Variants in FSTL4 observed in about 807,000 individuals in gnomAD.
The protein encoded by FSTL4 is follistatin like 4, also known as follistatin-related protein 4.
FSTL4 carries 28 observed loss-of-function variants against 78.2 expected under a neutral mutation model. That is an observed-to-expected ratio of 0.36 (90% CI 0.27 to 0.49). The LOEUF is 0.49. FSTL4 is among the 20% of genes least tolerant of loss of function. FSTL4 has a pLI of 0.98. For synonymous variants in FSTL4, 422 were observed against 440.5 expected (o/e 0.96, Z 0.53); for missense variants, 922 against 1,084.9 (o/e 0.85, Z 2.11).
At chr5:133,742,405 A>G in the FSTL4 span, among the ~76,000 whole-genome samples, 1 of 152,234 alleles carries the variant, frequency 6.6e-6, no homozygotes, top group African/African-American at 2.4e-5. Context: ...AAAAAAATCA[A>G]TGTCCTTCAA....
At chr5:133,470,736 ACT>A (rs1371846907) in intron 3 of FSTL4, among the ~76,000 whole-genome samples, 1 of 140,840 alleles carries the variant, frequency 7.1e-6, no homozygotes, top group African/African-American at 2.7e-5. Flanking sequence ...CAAGAGTGAA[ACT>A]CTGCCTCAAA....
At chr5:133,394,201 G>A (rs1333315915) in intron 4 of FSTL4, among the ~76,000 whole-genome samples, 1 of 152,256 alleles carries the variant, frequency 6.6e-6, no homozygotes, top group East Asian at 1.9e-4. Context: ...CAGCATGCTG[G>A]TAGCCCTTGC....
the FSTL4 span, among the ~76,000 whole-genome samples, chr5:133,725,850 A>C: frequency 6.6e-6 from 1 of 152,172 alleles, no homozygotes; most frequent in Non-Finnish European, 1.5e-5. Flanking sequence ...CCACTTGTTG[A>C]AACTAGGGAC....
chr5:133,555,568 G>A (rs866972986), intron 3 of FSTL4, among the ~76,000 whole-genome samples: 2 of 152,136 alleles, frequency 1.3e-5, no homozygotes, highest in South Asian at 2.1e-4. Flanking sequence ...AAGGCACACC[G>A]GTTACACTAT....
intron 3 of FSTL4, among the ~76,000 whole-genome samples, chr5:133,550,985 A>T (rs1267798967): frequency 2.0e-5 from 3 of 152,070 alleles, no homozygotes; most frequent in African/African-American, 4.8e-5. Context: ...AGCTGGAAAG[A>T]CTCATCTTGC....
intron 6 of FSTL4, among the ~76,000 whole-genome samples, chr5:133,278,769 C>G (rs1308197818): frequency 2.0e-5 from 3 of 152,242 alleles, no homozygotes; most frequent in Non-Finnish European, 4.4e-5. Context: ...AAAACGCCAG[C>G]CGCTTCCTCA....
intron 3 of FSTL4, among the ~76,000 whole-genome samples, chr5:133,466,459 G>A (rs919751502): frequency 4.6e-5 from 7 of 152,088 alleles, no homozygotes; most frequent in East Asian, 3.9e-4. Context: ...GGAGAATGGC[G>A]TGAACCCAGG....
At chr5:133,273,874 G>C (rs763869642) in intron 6 of FSTL4, among the ~76,000 whole-genome samples, 1 of 152,132 alleles carries the variant, frequency 6.6e-6, no homozygotes, top group Non-Finnish European at 1.5e-5. Flanking sequence ...GGGCATGCAG[G>C]AGGTGCTGAC....
chr5:133,744,967 G>A, the FSTL4 span, among the ~76,000 whole-genome samples: 1 of 152,206 alleles, frequency 6.6e-6, no homozygotes, highest in African/African-American at 2.4e-5. Context: ...GGACAGGCTG[G>A]GAGTTGGAGG....
chr5:133,198,884 C>T lies in FSTL4; in HGVS notation c.*211G>A, dbSNP rs1750223050. Reference sequence around the variant, plus strand: ...AGCAGCATATGTTCTCATCGTAGCTCAAGGCATAAATCATACTTCCTAACG... The same window carrying T: ...AGCAGCATATGTTCTCATCGTAGCTTAAGGCATAAATCATACTTCCTAACG... On this transcript the variant is annotated 3_prime_UTR_variant, in exon 16 of 16. Transcript: ENST00000265342. The T allele has an allele frequency of 2.1e-6, 1 of 465,978 alleles. No individual in the cohort carries two copies. Among genetic ancestry groups the T allele is most frequent in the South Asian group, 6.4e-5 (1 of 15,702 alleles). 28.9% of individuals were successfully genotyped at this position (465,978 alleles called of 1,614,324 possible). A position where few individuals can be genotyped will look rare whatever the true frequency, so the allele number is the denominator to read the frequency against.
At chr5:133,826,882 T>C in the FSTL4 span, among the ~76,000 whole-genome samples, 1 of 152,314 alleles carries the variant, frequency 6.6e-6, no homozygotes, top group African/African-American at 2.4e-5. Flanking sequence ...ATAACTAAAA[T>C]TCTGTCTTTT....
the FSTL4 span, among the ~76,000 whole-genome samples, chr5:133,640,693 A>T: frequency 6.6e-6 from 1 of 152,176 alleles, no homozygotes; most frequent in African/African-American, 2.4e-5. Context: ...TGAAAATAAG[A>T]ATGGGATAAC....
At chr5:133,470,389 G>A (rs1757795607) in intron 3 of FSTL4, among the ~76,000 whole-genome samples, 2 of 152,168 alleles carry the variant, frequency 1.3e-5, no homozygotes, top group African/African-American at 2.4e-5. Flanking sequence ...ATCCTCAGTC[G>A]GTTTCAACAA....
the FSTL4 span, among the ~76,000 whole-genome samples, chr5:133,804,363 T>C: frequency 1.3e-5 from 2 of 152,134 alleles, no homozygotes; most frequent in East Asian, 3.9e-4. Context: ...CACTACACCA[T>C]AGCAAGTCAG....
intron 4 of FSTL4, among the ~76,000 whole-genome samples, chr5:133,359,871 C>T (rs557382313): frequency 3.9e-5 from 6 of 152,274 alleles, no homozygotes; most frequent in East Asian, 1.9e-4. Context: ...GGAGCTTTCC[C>T]GGGGAGCCAA....
At chr5:133,649,513 T>C in the FSTL4 span, among the ~76,000 whole-genome samples, 3 of 152,244 alleles carry the variant, frequency 2.0e-5, no homozygotes, top group African/African-American at 7.2e-5. Flanking sequence ...AGCATTTCTG[T>C]TGCTCTACAA....
intron 7 of FSTL4, among the ~76,000 whole-genome samples, chr5:133,239,591 G>C (rs1264413260): frequency 1.3e-5 from 2 of 152,162 alleles, no homozygotes; most frequent in African/African-American, 4.8e-5. Flanking sequence ...TAGTTATTCT[G>C]GTGGGGACTT....
At chr5:133,301,916 C>T (rs765177800) in intron 6 of FSTL4, among the ~76,000 whole-genome samples, 4 of 152,054 alleles carry the variant, frequency 2.6e-5, no homozygotes, top group African/African-American at 7.2e-5. Context: ...CTCGTGTTGG[C>T]GACCAAACTG....
intron 6 of FSTL4, among the ~76,000 whole-genome samples, chr5:133,261,725 A>T (rs1162015658): frequency 1.3e-5 from 2 of 152,110 alleles, no homozygotes; most frequent in African/African-American, 4.8e-5. Context: ...ATGTGGTGGC[A>T]CACACCTGTA....
Sources: allele counts gnomAD v4.1 joint callset (sites outside exome capture counted in the v4.1 genomes callset), GRCh38; gene constraint gnomAD v4.1.1; transcripts MANE v1.5; gene names NCBI Gene and HGNC (gene_info 2026-07-23, HGNC 2026-07-21).